Variants in CNBD1 observed in about 807,000 individuals in gnomAD.
CNBD1 encodes the protein cyclic nucleotide-binding domain-containing protein 1.
A neutral mutation model predicts 54.4 loss-of-function variants in CNBD1; 71 were observed. The ratio of observed to expected loss-of-function variants is 1.30; its 90% CI spans 1.08 to 1.59. The LOEUF (loss-of-function observed/expected upper bound fraction) is 1.59, where lower values mean the gene tolerates loss of function less well. Ranked by LOEUF, CNBD1 falls within the 40% of genes most tolerant of loss-of-function variation. The pLI is 0.00. For synonymous variants in CNBD1, 182 were observed against 170.7 expected, an observed-to-expected ratio of 1.07 and a Z score of -0.51; for missense variants, 659 against 518.0, an observed-to-expected ratio of 1.27 and a Z score of -2.64.
intron 2 of CNBD1, among the ~76,000 whole-genome samples, chr8:87,398,646 C>A (rs1448872384): frequency 6.6e-6 from 1 of 151,964 alleles, no homozygotes; most frequent in Non-Finnish European, 1.5e-5. Flanking sequence ...TTATTATATT[C>A]CACACATGCC....
chr8:87,105,750 TAA>T (rs988996439), intron 4 of CNBD1, among the ~76,000 whole-genome samples: 1 of 152,210 alleles, frequency 6.6e-6, no homozygotes, highest in African/African-American at 2.4e-5. Flanking sequence ...CATTATAGAT[TAA>T]GTTTCTTGGA....
At position 87,182,063 on chromosome 8, in the gene CNBD1, GTATGCCCCAGT is replaced by G. The variant is rs1052378591; in HGVS notation, c.432-23929_432-23919del. ...CCCTGCTCCTAACATCTCACTTGAA[GTATGCCCCAGT>G]GTCTACTTTTCCCATCTTTGTGTTC... On this transcript the variant is annotated intron_variant, in intron 4 of 10. Coordinates refer to ENST00000518476, the MANE Select transcript of CNBD1 (RefSeq NM_173538.3). The surrounding 1 kb of genome is among the most constrained non-coding windows in gnomAD (Gnocchi z 4.1). Among the ~76,000 whole-genome samples, 20 of 152,124 alleles carry G rather than the reference GTATGCCCCAGT, an allele frequency of 1.3e-4. No individual in the cohort carries two copies. The highest frequency in any genetic ancestry group is 1.2e-3 in the Admixed American group (19 of 15,266).
At chr8:86,890,207 A>C (rs1165136904) in intron 2 of CNBD1, among the ~76,000 whole-genome samples, 2 of 151,946 alleles carry the variant, frequency 1.3e-5, no homozygotes, top group Non-Finnish European at 2.9e-5. Flanking sequence ...ACTCCTGTTT[A>C]ATTGAATCTT....
rs1809658621 is a variant in CNBD1 at position 86,941,663 on chromosome 8, T to G, written c.431+1909T>G. Among the ~76,000 whole-genome samples the G allele has an allele frequency of 3.3e-5, 5 of 152,206 alleles. No individual in the cohort carries two copies. In the South Asian group the frequency reaches 8.3e-4, roughly 25 times the overall value. On this transcript the variant is annotated intron_variant, in intron 4 of 10. Coordinates refer to ENST00000518476, the MANE Select transcript of CNBD1 (RefSeq NM_173538.3). The stretch of plus-strand genomic sequence containing the variant: ...ATACCAGGAGGTAAATCTAGGTCAA[T>G]GTCAGGATGGAAACTACAAATGGGT...
chr8:87,183,385 GTT>G (rs3056356), intron 4 of CNBD1, among the ~76,000 whole-genome samples: 7,085 of 118,284 alleles, frequency 0.06, 196 homozygotes, highest in African/African-American at 0.081. Flanking sequence ...TGCGCTGTTT[GTT>G]TTTTTTTTTT....
downstream of CNBD1, among the ~76,000 whole-genome samples, chr8:87,385,841 G>T (rs192828041): frequency 6.6e-6 from 1 of 152,126 alleles, no homozygotes; most frequent in Non-Finnish European, 1.5e-5. Flanking sequence ...CCTGACCCCC[G>T]AGTAGCCTAA....
At chr8:87,349,542 G>A (rs1165849388) in intron 8 of CNBD1, among the ~76,000 whole-genome samples, 2 of 152,064 alleles carry the variant, frequency 1.3e-5, no homozygotes, top group African/African-American at 4.8e-5. Context: ...GGCCCAACTA[G>A]TTTTTGTATT....
At chr8:87,324,530 G>C (rs1439327727) in intron 8 of CNBD1, among the ~76,000 whole-genome samples, 1 of 145,192 alleles carries the variant, frequency 6.9e-6, no homozygotes, top group Admixed American at 6.8e-5. Context: ...GTTTAGTCTT[G>C]GGAGAGTGTA....
At chr8:87,037,705 G>A (rs1036821578) in intron 4 of CNBD1, among the ~76,000 whole-genome samples, 5 of 151,698 alleles carry the variant, frequency 3.3e-5, no homozygotes, top group African/African-American at 1.2e-4. Flanking sequence ...GTTTTTTTGG[G>A]CTACTGATAA....
At chr8:87,425,735 G>A (rs1334665506) in intron 2 of CNBD1, among the ~76,000 whole-genome samples, 1 of 151,940 alleles carries the variant, frequency 6.6e-6, no homozygotes, top group African/African-American at 2.4e-5. Context: ...TGTCAGACAG[G>A]GACATTTAAG....
intron 8 of CNBD1, among the ~76,000 whole-genome samples, chr8:87,335,548 A>AT (rs369400100): frequency 7.9e-5 from 12 of 151,668 alleles, no homozygotes; most frequent in African/African-American, 2.9e-4. Flanking sequence ...TCTGCTCTCC[A>AT]TTTTTTTGGT....
In CNBD1 at chr8:87,228,467, C is replaced by A. The variant is rs1194121349; in HGVS notation, c.578-8452C>A. Among the ~76,000 whole-genome samples, 2 of 148,940 alleles carry A rather than the reference C, an allele frequency of 1.3e-5. 1 individual carries two copies. Among genetic ancestry groups the A allele is most frequent in the Non-Finnish European group, 2.9e-5 (2 of 68,014 alleles). ...TTAGTTTTCCTTCTAACACACAGGACCCTCAGCTGCAGGTCTGTTGGAGTA... is the reference window on the plus strand; with the variant it reads ...TTAGTTTTCCTTCTAACACACAGGAACCTCAGCTGCAGGTCTGTTGGAGTA... On this transcript the variant is annotated intron_variant, in intron 5 of 10. Transcript: ENST00000518476.
chr8:87,128,463 C>T (rs1473085550), intron 4 of CNBD1, among the ~76,000 whole-genome samples: 1 of 152,174 alleles, frequency 6.6e-6, no homozygotes, highest in Admixed American at 6.5e-5. Flanking sequence ...ACCCCTGTTG[C>T]AAGTTCTGTG....
intron 4 of CNBD1, among the ~76,000 whole-genome samples, chr8:87,077,169 A>C (rs1390623935): frequency 6.6e-6 from 1 of 152,176 alleles, no homozygotes; most frequent in Non-Finnish European, 1.5e-5. Context: ...GGATCTTTTC[A>C]ATGTTGGAAC....
At chr8:87,274,458 C>A (rs1288319864) in intron 6 of CNBD1, among the ~76,000 whole-genome samples, 3 of 147,846 alleles carry the variant, frequency 2.0e-5, no homozygotes, top group South Asian at 2.2e-4. Context: ...TTAATGATCG[C>A]CATTCTAACT....
intron 4 of CNBD1, among the ~76,000 whole-genome samples, chr8:86,957,066 T>C (rs1428190056): frequency 3.3e-5 from 5 of 152,238 alleles, no homozygotes; most frequent in African/African-American, 9.6e-5. Context: ...CCAAAGGCTT[T>C]TTCTGCATCT....
chr8:87,099,486 C>T (rs891361649), intron 4 of CNBD1, among the ~76,000 whole-genome samples: 9 of 152,014 alleles, frequency 5.9e-5, no homozygotes, highest in East Asian at 1.9e-4. Context: ...ATTAGAGGGC[C>T]GTCGTCAATG....
chr8:87,108,183 G>A (rs1052792743), intron 4 of CNBD1, among the ~76,000 whole-genome samples: 12 of 152,078 alleles, frequency 7.9e-5, no homozygotes, highest in Non-Finnish European at 1.6e-4. Flanking sequence ...TCCCATAAAA[G>A]TTATATAATA....
intron 4 of CNBD1, among the ~76,000 whole-genome samples, chr8:86,957,427 T>G (rs925089267): frequency 1.1e-4 from 16 of 152,244 alleles, no homozygotes; most frequent in Non-Finnish European, 1.9e-4. Flanking sequence ...TTTGTACCTC[T>G]GGTAGAATTC....
Sources: allele counts gnomAD v4.1 joint callset (sites outside exome capture counted in the v4.1 genomes callset), GRCh38; gene constraint gnomAD v4.1.1; non-coding constraint Gnocchi (gnomAD v3.1); transcripts MANE v1.5; gene names NCBI Gene and HGNC (gene_info 2026-07-23, HGNC 2026-07-21).